GABBR2: variants seen among roughly 807,000 people sequenced by gnomAD.
GABBR2 encodes the protein gamma-aminobutyric acid type B receptor subunit 2.
A neutral mutation model predicts 105.6 loss-of-function variants in GABBR2; 23 were observed. The observed-to-expected ratio is 0.22, with a 90% CI of 0.16 to 0.31. The LOEUF (loss-of-function observed/expected upper bound fraction) is 0.31, where lower values mean the gene tolerates loss of function less well. Ranked by LOEUF, GABBR2 falls within the 10% of genes least tolerant of loss-of-function variation. The probability of loss-of-function intolerance (pLI) is 1.00; values close to 1 mark genes in which losing one functional copy is unlikely to be tolerated. For missense variants in GABBR2, 734 were observed against 1,245.5 expected (o/e 0.59, Z 6.18); for synonymous variants, 478 against 499.7 (o/e 0.96, Z 0.58).
chr9:98,436,111 A>G (rs1825897937), intron 7 of GABBR2, among the ~76,000 whole-genome samples: 1 of 150,710 alleles, frequency 6.6e-6, no homozygotes, highest in Non-Finnish European at 1.5e-5. Context: ...ATGAATGAAC[A>G]AAGGGAAACA....
intron 3 of GABBR2, among the ~76,000 whole-genome samples, chr9:98,530,170 C>T (rs1017712403): frequency 1.3e-5 from 2 of 152,130 alleles, no homozygotes; most frequent in East Asian, 1.9e-4. Flanking sequence ...GTAGGAGCAG[C>T]GTGAAGGGAC....
chr9:98,691,787 C>A (rs1363960683), intron 1 of GABBR2, among the ~76,000 whole-genome samples: 2 of 152,196 alleles, frequency 1.3e-5, no homozygotes, highest in Non-Finnish European at 2.9e-5. Flanking sequence ...ACATCTTCTA[C>A]CTCCTGTCCT....
rs61373847 is a variant in GABBR2, at chr9:98,438,361, C to T, written c.1236+15620G>A. 4.2e-3 allele frequency among the ~76,000 whole-genome samples: 647 copies of T among 152,268 alleles called. 4 individuals carry two copies. Among genetic ancestry groups the T allele is most frequent in the African/African-American group, 0.013 (543 of 41,566 alleles). Reference sequence around the variant, plus strand: ...CCACCACTCTACCCATCTGCCCATACATTCAACCAGCCTTCCTGTGTATCT... The same window carrying T: ...CCACCACTCTACCCATCTGCCCATATATTCAACCAGCCTTCCTGTGTATCT... On this transcript the variant is annotated intron_variant, in intron 7 of 18. Transcript: ENST00000259455.
intron 1 of GABBR2, among the ~76,000 whole-genome samples, chr9:98,659,534 T>C (rs1830229425): frequency 6.8e-6 from 1 of 146,386 alleles, no homozygotes; most frequent in Non-Finnish European, 1.5e-5. Flanking sequence ...TTCTTTTTTT[T>C]TTTTTTTGAC....
chr9:98,303,279 G>C lies in GABBR2; in HGVS notation c.2374C>G (p.Gln792Glu). 6.2e-7 allele frequency: 1 copy of C among 1,614,172 alleles called. No homozygotes were observed. The highest frequency in any genetic ancestry group is 8.5e-7 in the Non-Finnish European group (1 of 1,180,006). The change falls in exon 16 of 19, where the codon CAG (glutamine) becomes GAG (glutamate). Residue 792 changes from glutamine (Q) to glutamate (E), a missense_variant. Gln to Glu is a conservative substitution (Grantham distance 29, BLOSUM62 2). Coordinates refer to ENST00000259455, the MANE Select transcript of GABBR2 (RefSeq NM_005458.8). Reference protein sequence around the residue: ...QASTSRLEGLQSENHRLRMKI... With the variant: ...QASTSRLEGLESENHRLRMKI... ...ATTCGCAGGCGATGGTTTTCTGACT[G>C]TAGGCCCTCCAGGCGGGATGTGCTG...
chr9:98,462,000 C>T (rs1050940216), intron 6 of GABBR2, among the ~76,000 whole-genome samples: 1 of 152,226 alleles, frequency 6.6e-6, no homozygotes, highest in African/African-American at 2.4e-5. Flanking sequence ...TCACTTCTCA[C>T]CAGGCCCTAC....
chr9:98,370,291 A>G (rs1023081817), intron 12 of GABBR2, among the ~76,000 whole-genome samples: 1 of 152,064 alleles, frequency 6.6e-6, no homozygotes, highest in African/African-American at 2.4e-5. Flanking sequence ...CAAATAGCCA[A>G]TTGGGGGAGC....
At chr9:98,350,892 T>C (rs1320497414) in intron 13 of GABBR2, among the ~76,000 whole-genome samples, 1 of 152,226 alleles carries the variant, frequency 6.6e-6, no homozygotes. Flanking sequence ...TTAGCTTTAA[T>C]AATTTTTTTT....
chr9:98,494,803 T>TG (rs1296351812), intron 4 of GABBR2, among the ~76,000 whole-genome samples: 1 of 152,224 alleles, frequency 6.6e-6, no homozygotes, highest in Non-Finnish European at 1.5e-5. Context: ...CTACTTCTGT[T>TG]GGAGTTGGCT....
chr9:98,503,011 T>TTC (rs1827435962), intron 3 of GABBR2, among the ~76,000 whole-genome samples: 1 of 152,212 alleles, frequency 6.6e-6, no homozygotes, highest in Non-Finnish European at 1.5e-5. Flanking sequence ...ACCAAAAATG[T>TTC]TCACTGTCCT....
At chr9:98,366,588 A>G (rs1831681334) in intron 12 of GABBR2, among the ~76,000 whole-genome samples, 2 of 152,152 alleles carry the variant, frequency 1.3e-5, no homozygotes, top group Admixed American at 1.3e-4. Context: ...TTTTTTCAAA[A>G]AACTTGAGAT....
intron 1 of GABBR2, among the ~76,000 whole-genome samples, chr9:98,658,565 G>A (rs1051913820): frequency 4.5e-4 from 69 of 152,138 alleles, no homozygotes; most frequent in African/African-American, 1.6e-3. Context: ...ACCCTCCAGA[G>A]GCGGAACCAG....
chr9:98,320,546 T>C (rs1434461104), intron 13 of GABBR2, among the ~76,000 whole-genome samples: 2 of 152,112 alleles, frequency 1.3e-5, no homozygotes, highest in Non-Finnish European at 2.9e-5. Flanking sequence ...TATTGCAGCA[T>C]TATTCACAAT....
intron 12 of GABBR2, among the ~76,000 whole-genome samples, chr9:98,365,706 G>A (rs546766412): frequency 2.6e-5 from 4 of 152,332 alleles, no homozygotes; most frequent in Admixed American, 2.6e-4. Context: ...AAACATGCAT[G>A]TTTGTGGGGA....
At chr9:98,296,982 A>T (rs191340053) in intron 17 of GABBR2, among the ~76,000 whole-genome samples, 1 of 151,962 alleles carries the variant, frequency 6.6e-6, no homozygotes, top group East Asian at 1.9e-4. Context: ...TTTTTTAAAA[A>T]TTTTACTTTG....
At chr9:98,294,187 T>C (rs961901636) in intron 17 of GABBR2, among the ~76,000 whole-genome samples, 1 of 152,158 alleles carries the variant, frequency 6.6e-6, no homozygotes, top group African/African-American at 2.4e-5. Flanking sequence ...AGTCGACTAA[T>C]GTAGGAAACA....
intron 2 of GABBR2, among the ~76,000 whole-genome samples, chr9:98,577,199 A>AATGGATGGATGG (rs766802691): frequency 0.024 from 2,677 of 111,298 alleles, 155 homozygotes; most frequent in Admixed American, 0.049. Flanking sequence ...TGGATAGGTG[A>AATGGATGGATGG]ATGGATGGAT....
At chr9:98,440,474 G>A (rs1826011519) in intron 7 of GABBR2, among the ~76,000 whole-genome samples, 3 of 152,076 alleles carry the variant, frequency 2.0e-5, no homozygotes, top group African/African-American at 7.2e-5. Flanking sequence ...GAAGACAAAG[G>A]TGGACACCCC....
At chr9:98,462,122 A>T (rs950787015) in intron 6 of GABBR2, among the ~76,000 whole-genome samples, 4 of 152,194 alleles carry the variant, frequency 2.6e-5, no homozygotes, top group Non-Finnish European at 4.4e-5. Flanking sequence ...AAAACCAAAT[A>T]CTGCTTCTGC....
Sources: allele counts gnomAD v4.1 joint callset (sites outside exome capture counted in the v4.1 genomes callset), GRCh38; gene constraint gnomAD v4.1.1; transcripts MANE v1.5; gene names NCBI Gene and HGNC (gene_info 2026-07-23, HGNC 2026-07-21).